Variants in HIVEP3 observed in about 807,000 individuals in gnomAD.
HIVEP3 encodes the protein HIVEP zinc finger 3.
HIVEP3 carries 49 observed loss-of-function variants against 152.8 expected under a neutral mutation model. The ratio of observed to expected loss-of-function variants is 0.32; its 90% CI spans 0.26 to 0.41. The LOEUF is 0.41. Ranked by LOEUF, HIVEP3 falls within the 10% of genes least tolerant of loss-of-function variation. The pLI, the probability that HIVEP3 is intolerant of heterozygous loss-of-function variation, is 1.00. For missense variants in HIVEP3, 2,790 were observed against 3,103.3 expected (o/e 0.90, Z 2.40); for synonymous variants, 1,269 against 1,289.0 (o/e 0.98, Z 0.33).
intron 1 of HIVEP3, among the ~76,000 whole-genome samples, chr1:41,993,223 T>C (rs940492902): frequency 1.3e-5 from 2 of 151,216 alleles, no homozygotes; most frequent in African/African-American, 4.9e-5. Flanking sequence ...ACCTACAAAA[T>C]GGGAGAAAAT....
At chr1:41,968,886 A>C (rs1386573569) in intron 1 of HIVEP3, among the ~76,000 whole-genome samples, 1 of 152,184 alleles carries the variant, frequency 6.6e-6, no homozygotes. Flanking sequence ...TCAATGTGCA[A>C]AAATCACAAG....
chr1:41,921,889 C>A (rs1644943570), upstream of HIVEP3, among the ~76,000 whole-genome samples: 1 of 151,962 alleles, frequency 6.6e-6, no homozygotes, highest in Admixed American at 6.6e-5. Context: ...TTTGAAATGC[C>A]ACTGCTCTTC....
At chr1:41,994,450 T>C (rs1645383286) in intron 1 of HIVEP3, among the ~76,000 whole-genome samples, 1 of 152,248 alleles carries the variant, frequency 6.6e-6, no homozygotes, top group East Asian at 1.9e-4. Context: ...AGGGACCTGA[T>C]GGTAGGTAAT....
intron 1 of HIVEP3, among the ~76,000 whole-genome samples, chr1:41,858,231 C>T (rs778174706): frequency 2.0e-5 from 3 of 152,184 alleles, no homozygotes; most frequent in Admixed American, 6.5e-5. Flanking sequence ...CCTTTTCCAC[C>T]ATATTGGAAT....
intron 1 of HIVEP3, among the ~76,000 whole-genome samples, chr1:41,955,438 T>A (rs920646307): frequency 6.6e-6 from 1 of 152,132 alleles, no homozygotes; most frequent in Non-Finnish European, 1.5e-5. Context: ...GAGGGCATAG[T>A]TAAATAGGAG....
chr1:41,784,519 C>A (rs1258156272), intron 1 of HIVEP3, among the ~76,000 whole-genome samples: 1 of 152,186 alleles, frequency 6.6e-6, no homozygotes, highest in Non-Finnish European at 1.5e-5. Context: ...GGACCCAGAA[C>A]AGGGAGAGCA....
At chr1:41,981,121 G>A (rs562034041) in intron 1 of HIVEP3, among the ~76,000 whole-genome samples, 1 of 152,284 alleles carries the variant, frequency 6.6e-6, no homozygotes, top group East Asian at 1.9e-4. Context: ...TGGGCCCAGA[G>A]GCAAGGAGAG....
chr1:41,563,474 C>T (rs1475486920), intron 5 of HIVEP3, among the ~76,000 whole-genome samples: 1 of 152,096 alleles, frequency 6.6e-6, no homozygotes, highest in Admixed American at 6.5e-5. Context: ...GCTTCCAGAA[C>T]ATGGGAAGCA....
rs1184823372 is a variant in HIVEP3, at chr1:41,998,887, C to CTTTTTTTTT, written n.119+36919_119+36920insAAAAAAAAA. Reference sequence around the variant, plus strand: ...GCTGGTTTTTAATACTTTTCTCTCTCTCTTTTTTTTTTTTTTTTTTTTTTT... The same window carrying CTTTTTTTTT: ...GCTGGTTTTTAATACTTTTCTCTCTCTTTTTTTTTTCTTTTTTTTTTTTTTTTTTTTTTT... On this transcript the variant is annotated intron_variant and non_coding_transcript_variant, in intron 1 of 3. Coordinates refer to the HIVEP3 transcript ENST00000489103. 3.6e-3 allele frequency among the ~76,000 whole-genome samples: 279 copies of CTTTTTTTTT among 77,276 alleles called. 15 individuals are homozygous for CTTTTTTTTT. Among genetic ancestry groups the CTTTTTTTTT allele is most frequent in the East Asian group, 0.011 (18 of 1,594 alleles). 50.7% of individuals were successfully genotyped at this position (77,276 alleles called of 152,430 possible). A position where few individuals can be genotyped will look rare whatever the true frequency, so the allele number is the denominator to read the frequency against.
intron 3 of HIVEP3, among the ~76,000 whole-genome samples, chr1:41,619,945 C>A (rs138879133): frequency 6.6e-6 from 1 of 152,124 alleles, no homozygotes; most frequent in Non-Finnish European, 1.5e-5. Context: ...TGAATTTGCA[C>A]GTCTAGGAAT....
chr1:41,815,631 A>C (rs401869), intron 1 of HIVEP3, among the ~76,000 whole-genome samples: 114,634 of 152,080 alleles, frequency 0.75, 43,509 homozygotes, highest in East Asian at 1. Context: ...CTGACCCATA[A>C]CAGGCCTCAG....
chr1:41,624,413 T>G (rs1176286497), intron 3 of HIVEP3, among the ~76,000 whole-genome samples: 1 of 152,232 alleles, frequency 6.6e-6, no homozygotes, highest in Non-Finnish European at 1.5e-5. Flanking sequence ...GGGAACACAC[T>G]GAATATAGCC....
chr1:41,841,424 C>T (rs1643285337), intron 1 of HIVEP3, among the ~76,000 whole-genome samples: 2 of 152,148 alleles, frequency 1.3e-5, no homozygotes, highest in Admixed American at 6.5e-5. Flanking sequence ...CAGTGCAAAG[C>T]CTCCGGAGCC....
At chr1:41,801,729 G>A (rs1400329656) in intron 1 of HIVEP3, among the ~76,000 whole-genome samples, 2 of 151,646 alleles carry the variant, frequency 1.3e-5, no homozygotes, top group Non-Finnish European at 2.9e-5. Context: ...GGGGCACAGA[G>A]TGAGACTCCA....
At chr1:41,881,434 A>G (rs1343241360) in intron 1 of HIVEP3, among the ~76,000 whole-genome samples, 1 of 152,208 alleles carries the variant, frequency 6.6e-6, no homozygotes. Flanking sequence ...TCCACTGCTC[A>G]TCTCTCTCTT....
At chr1:42,025,891 A>C (rs1342839713) in intron 1 of HIVEP3, among the ~76,000 whole-genome samples, 1 of 152,042 alleles carries the variant, frequency 6.6e-6, no homozygotes, top group African/African-American at 2.4e-5. Context: ...GCAACATGGC[A>C]AAACCCTGTC....
chr1:41,595,349 G>A (rs1024352298), intron 3 of HIVEP3, among the ~76,000 whole-genome samples: 10 of 152,262 alleles, frequency 6.6e-5, no homozygotes, highest in African/African-American at 2.2e-4. Context: ...AGCCATTGGC[G>A]TTTCAGTCCT....
chr1:41,575,442 G>T, intron 5 of HIVEP3, 102 bp downstream of exon 5: 1 of 1,292,180 alleles, frequency 7.7e-7, no homozygotes, highest in Non-Finnish European at 1.1e-6. Context: ...GGCACCTGTG[G>T]GCAGAGCCCT....
Position 41,960,243 on chromosome 1 carries a change from C to A in HIVEP3, n.120-41719G>T, listed in dbSNP as rs187457207. 1.2e-4 allele frequency among the ~76,000 whole-genome samples: 19 copies of A among 152,284 alleles called. No homozygotes were observed. In the East Asian group the frequency reaches 3.7e-3, roughly 29 times the overall value. On this transcript the variant is annotated intron_variant and non_coding_transcript_variant, in intron 1 of 3. Transcript: ENST00000489103. ...AAGATGATGAGTATTAGTATGGCCTCAGGACCAACTGCAACCATGGAGACG... is the reference window on the plus strand; with the variant it reads ...AAGATGATGAGTATTAGTATGGCCTAAGGACCAACTGCAACCATGGAGACG...
Sources: gnomAD v4.1 joint callset for allele counts (sites outside exome capture counted in the v4.1 genomes callset) on GRCh38, gnomAD v4.1.1 for gene constraint, MANE v1.5 for transcripts, NCBI Gene and HGNC (gene_info 2026-07-23, HGNC 2026-07-21) for gene names.